ASTN2: variants seen among roughly 807,000 people sequenced by gnomAD.
ASTN2 encodes the protein astrotactin-2.
A neutral mutation model predicts 139.8 loss-of-function variants in ASTN2; 54 were observed. That is an observed-to-expected ratio of 0.39 (90% CI 0.31 to 0.48). The LOEUF (loss-of-function observed/expected upper bound fraction) is 0.48, where lower values mean the gene tolerates loss of function less well. ASTN2 is among the 20% of genes least tolerant of loss of function. The probability of loss-of-function intolerance (pLI) is 0.95; values close to 1 mark genes in which losing one functional copy is unlikely to be tolerated. For missense variants in ASTN2, 1,565 were observed against 1,725.1 expected (o/e 0.91, Z 1.64); for synonymous variants, 756 against 719.5 (o/e 1.05, Z -0.81).
intron 3 of ASTN2, among the ~76,000 whole-genome samples, chr9:117,159,042 G>A (rs1830490054): frequency 6.6e-6 from 1 of 151,870 alleles, no homozygotes; most frequent in Non-Finnish European, 1.5e-5. Context: ...CTCCACTGGT[G>A]TATGCAAACG....
chr9:117,348,266 G>A (rs1160668192), intron 1 of ASTN2, among the ~76,000 whole-genome samples: 1 of 152,194 alleles, frequency 6.6e-6, no homozygotes, highest in African/African-American at 2.4e-5. Flanking sequence ...TGACCACTCT[G>A]ACTCAGGATG....
chr9:116,713,835 T>C (rs540741285), intron 16 of ASTN2, among the ~76,000 whole-genome samples: 16 of 152,178 alleles, frequency 1.1e-4, no homozygotes, highest in Non-Finnish European at 2.2e-4. Flanking sequence ...GCATGTGAAA[T>C]GCCCAGCATA....
chr9:116,581,072 C>T (rs1220802872), intron 19 of ASTN2, among the ~76,000 whole-genome samples: 4 of 152,118 alleles, frequency 2.6e-5, no homozygotes, highest in East Asian at 1.9e-4. Flanking sequence ...CAGAAATGAG[C>T]CTTAGTGTTC....
rs145529955 is a variant in ASTN2 at position 117,026,621 on chromosome 9, G to A, written c.1423+13198C>T. On this transcript the variant is annotated intron_variant, in intron 6 of 22. Coordinates refer to ENST00000313400, the MANE Select transcript of ASTN2 (RefSeq NM_001365068.1). ...TTTCACATTTAATGCCCTTGTTCAG[G>A]CATTATCTTATGAACTCAATATGGC... Among the ~76,000 whole-genome samples, 3 of 152,098 alleles carry A rather than the reference G, an allele frequency of 2.0e-5. No homozygotes were observed. The East Asian group carries it at 5.8e-4, about 29-fold the overall frequency.
intron 1 of ASTN2, among the ~76,000 whole-genome samples, chr9:117,409,167 T>C (rs1410141383): frequency 6.6e-6 from 1 of 152,140 alleles, no homozygotes; most frequent in African/African-American, 2.4e-5. Flanking sequence ...TGCTTCTCCA[T>C]CCCAGAATCT....
At chr9:116,782,045 AGTG>A (rs1830233502) in intron 13 of ASTN2, among the ~76,000 whole-genome samples, 1 of 152,170 alleles carries the variant, frequency 6.6e-6, no homozygotes, top group Non-Finnish European at 1.5e-5. Flanking sequence ...TGCCTCCGAC[AGTG>A]AGACTTCTTT....
At chr9:117,134,299 C>T (rs939573479) in intron 4 of ASTN2, among the ~76,000 whole-genome samples, 12,745 of 53,324 alleles carry the variant, frequency 0.24, 640 homozygotes, top group Non-Finnish European at 0.29. Context: ...TATATATACA[C>T]ACACACACAC....
At chr9:116,936,983 C>T (rs772080965) in intron 10 of ASTN2, among the ~76,000 whole-genome samples, 1 of 152,150 alleles carries the variant, frequency 6.6e-6, no homozygotes, top group African/African-American at 2.4e-5. Flanking sequence ...GTGAAGGACC[C>T]TTCATTGTTT....
At chr9:116,745,598 A>C (rs189015755) in intron 13 of ASTN2, among the ~76,000 whole-genome samples, 7 of 152,230 alleles carry the variant, frequency 4.6e-5, no homozygotes, top group African/African-American at 1.7e-4. Flanking sequence ...CTATATAACT[A>C]GTTTCCCTCA....
At chr9:116,562,983 T>C (rs1040302745) in intron 19 of ASTN2, among the ~76,000 whole-genome samples, 5 of 152,082 alleles carry the variant, frequency 3.3e-5, no homozygotes, top group Non-Finnish European at 5.9e-5. Flanking sequence ...CTCATGGAAC[T>C]TGCATTCTGC....
chr9:117,198,539 C>A (rs1831589008), intron 3 of ASTN2, among the ~76,000 whole-genome samples: 1 of 152,110 alleles, frequency 6.6e-6, no homozygotes, highest in African/African-American at 2.4e-5. Context: ...TCCAGTGTAT[C>A]ATTGATGGGC....
intron 10 of ASTN2, among the ~76,000 whole-genome samples, chr9:116,940,619 TAA>T (rs1250447705): frequency 6.6e-6 from 1 of 152,204 alleles, no homozygotes; most frequent in African/African-American, 2.4e-5. Flanking sequence ...TGTTTTAAGC[TAA>T]GTGTTACTAC....
At chr9:117,017,219 G>A (rs998720150) in intron 6 of ASTN2, among the ~76,000 whole-genome samples, 1 of 121,418 alleles carries the variant, frequency 8.2e-6, no homozygotes, top group Non-Finnish European at 1.8e-5. Flanking sequence ...TTGGCTGAAG[G>A]TTGAAAGCAA....
chr9:116,968,763 G>A (rs1309203980), intron 10 of ASTN2, among the ~76,000 whole-genome samples: 1 of 152,062 alleles, frequency 6.6e-6, no homozygotes, highest in East Asian at 1.9e-4. Flanking sequence ...GCCAGGTGTG[G>A]TGTTGTGTGC....
chr9:117,114,947 T>G (rs930760090), intron 4 of ASTN2, among the ~76,000 whole-genome samples: 2 of 152,100 alleles, frequency 1.3e-5, no homozygotes, highest in Non-Finnish European at 2.9e-5. Context: ...GGGGGCCATT[T>G]TTGATGTCCA....
intron 5 of ASTN2, among the ~76,000 whole-genome samples, chr9:117,087,966 T>C (rs1301114837): frequency 6.6e-6 from 1 of 152,230 alleles, no homozygotes; most frequent in Non-Finnish European, 1.5e-5. Context: ...TGCCTATCTA[T>C]CTTTGGCCTA....
chr9:117,080,521 G>T (rs919128905), intron 5 of ASTN2, among the ~76,000 whole-genome samples: 1 of 152,200 alleles, frequency 6.6e-6, no homozygotes, highest in Non-Finnish European at 1.5e-5. Context: ...AATGTGTGAA[G>T]ATTATGGTTG....
intron 2 of ASTN2, among the ~76,000 whole-genome samples, chr9:117,240,950 A>G (rs567952280): frequency 4.6e-5 from 7 of 152,276 alleles, no homozygotes; most frequent in African/African-American, 1.7e-4. Context: ...TGACTGTCTG[A>G]GTCCTGAGGT....
intron 10 of ASTN2, among the ~76,000 whole-genome samples, chr9:116,956,684 A>G (rs1182673190): frequency 1.3e-5 from 2 of 152,006 alleles, no homozygotes; most frequent in Non-Finnish European, 2.9e-5. Context: ...GAACATACAT[A>G]CATACATACA....
Sources: allele counts gnomAD v4.1 joint callset (sites outside exome capture counted in the v4.1 genomes callset), GRCh38; gene constraint gnomAD v4.1.1; transcripts MANE v1.5; gene names NCBI Gene and HGNC (gene_info 2026-07-23, HGNC 2026-07-21).